TNFRSF1A: variants seen among roughly 807,000 people sequenced by gnomAD.
The protein encoded by TNFRSF1A is tumor necrosis factor receptor superfamily member 1A.
Under a neutral mutation model 41.6 loss-of-function variants are expected in TNFRSF1A, and 9 were observed. The ratio of observed to expected loss-of-function variants is 0.22; its 90% CI spans 0.13 to 0.38. TNFRSF1A has a LOEUF of 0.38. Ranked by LOEUF, TNFRSF1A falls within the 10% of genes least tolerant of loss-of-function variation. The pLI is 1.00. For synonymous variants in TNFRSF1A, 254 were observed against 248.6 expected, an observed-to-expected ratio of 1.02 and a Z score of -0.21; for missense variants, 463 against 591.5, an observed-to-expected ratio of 0.78 and a Z score of 2.25.
At position 6,334,347 on chromosome 12, in the gene TNFRSF1A, G is replaced by A; in HGVS notation, c.40-103C>T. On this transcript the variant is annotated intron_variant, in intron 1 of 9. Coordinates refer to ENST00000162749, the MANE Select transcript of TNFRSF1A (RefSeq NM_001065.4). This position sits in a 1 kb window ranked among gnomAD's most constrained non-coding sequence, Gnocchi z 5.1. ...TCCCTGGCTCAAGTCCTTCCTCAGT[G>A]AAACATTCCGCCCAGGCCACGCCAC... 1 of 1,044,402 alleles carries A rather than the reference G, an allele frequency of 9.6e-7. No homozygotes were observed. The highest frequency in any genetic ancestry group is 1.4e-6 in the Non-Finnish European group (1 of 704,932). 64.7% of individuals were successfully genotyped at this position (1,044,402 alleles called of 1,614,324 possible). A position where few individuals can be genotyped will look rare whatever the true frequency, so the allele number is the denominator to read the frequency against.
rs1038838056 is a variant in TNFRSF1A at position 6,341,059 on chromosome 12, A to C, written c.39+717T>G. 1.3e-5 allele frequency among the ~76,000 whole-genome samples: 2 copies of C among 152,188 alleles called. No individual in the cohort carries two copies. The highest frequency in any genetic ancestry group is 3.2e-3 in the Middle Eastern group (1 of 316). ...TAGGACTAGCTCCCTGGGAAGGCTC[A>C]GTCCCACAGCGGCTACCTGCCTAGC... On this transcript the variant is annotated intron_variant, in intron 1 of 9. Coordinates refer to ENST00000162749, the MANE Select transcript of TNFRSF1A (RefSeq NM_001065.4). The surrounding 1 kb of genome is among the most constrained non-coding windows in gnomAD (Gnocchi z 4.6).
intron 7 of TNFRSF1A, 89 bp downstream of exon 7, chr12:6,330,509 C>T: frequency 9.0e-7 from 1 of 1,106,312 alleles, no homozygotes; most frequent in Non-Finnish European, 1.4e-6. Context: ...GGGGACACTC[C>T]TCACCTCCCT....
Position 6,342,012 on chromosome 12 carries a change from C to T in TNFRSF1A, c.-198G>A. The stretch of plus-strand genomic sequence containing the variant: ...ACCCCAAAGGCCAGAACTGGAGCCT[C>T]AGTCCAGAGAATTCTGAGAAAATTA... On this transcript the variant is annotated 5_prime_UTR_variant, in exon 1 of 10. Transcript: ENST00000162749. 1 of 654,494 alleles carries T rather than the reference C, an allele frequency of 1.5e-6. No homozygotes were observed. Among genetic ancestry groups the T allele is most frequent in the East Asian group, 2.7e-5 (1 of 36,490 alleles). 40.5% of individuals were successfully genotyped at this position (654,494 alleles called of 1,614,324 possible). A position where few individuals can be genotyped will look rare whatever the true frequency, so the allele number is the denominator to read the frequency against.
At position 6,337,051 on chromosome 12, in the gene TNFRSF1A, A is replaced by G. The variant is rs982578934; in HGVS notation, c.40-2807T>C. On this transcript the variant is annotated intron_variant, in intron 1 of 9. Transcript: ENST00000162749. The surrounding 1 kb of genome is among the most constrained non-coding windows in gnomAD (Gnocchi z 4.6). ...ACTTCCAGGAACGAGGGAGCAGGCA[A>G]GAAGGGATGCCGGATGGAAGAACCA... Among the ~76,000 whole-genome samples the G allele has an allele frequency of 2.1e-4, 32 of 152,200 alleles. No homozygotes were observed. Among genetic ancestry groups the G allele is most frequent in the African/African-American group, 7.2e-4 (30 of 41,448 alleles).
rs369273283 is a variant in TNFRSF1A at position 6,333,247 on chromosome 12, G to C, written c.473-100C>G. ...GGGACAGGGTGGGGGCGGCCAGAGA[G>C]GAGTTGGTTGTCAGACCCACAGAAT... is the stretch of plus-strand genomic sequence containing the variant. On this transcript the variant is annotated intron_variant, in intron 4 of 9. Coordinates refer to ENST00000162749, the MANE Select transcript of TNFRSF1A (RefSeq NM_001065.4). This position sits in a 1 kb window ranked among gnomAD's most constrained non-coding sequence, Gnocchi z 6.3. 14 of 1,548,658 alleles carry C rather than the reference G, an allele frequency of 9.0e-6. No individual in the cohort carries two copies. In the East Asian group the frequency reaches 3.0e-4, roughly 33 times the overall value.
chr12:6,332,212 G>A (rs990833406), intron 5 of TNFRSF1A, among the ~76,000 whole-genome samples: 5 of 151,686 alleles, frequency 3.3e-5, no homozygotes, highest in Admixed American at 6.6e-5. Flanking sequence ...AGGCTGAGGC[G>A]GAAGATCGCT....
At position 6,341,048 on chromosome 12, in the gene TNFRSF1A, T is replaced by C. The variant is rs1241531493; in HGVS notation, c.39+728A>G. 3.3e-5 allele frequency among the ~76,000 whole-genome samples: 5 copies of C among 152,116 alleles called. No individual in the cohort carries two copies. The highest frequency in any genetic ancestry group is 1.2e-4 in the African/African-American group (5 of 41,410). ...CCAGGTGGGGGTAGGACTAGCTCCCTGGGAAGGCTCAGTCCCACAGCGGCT... is the reference window on the plus strand; with the variant it reads ...CCAGGTGGGGGTAGGACTAGCTCCCCGGGAAGGCTCAGTCCCACAGCGGCT... On this transcript the variant is annotated intron_variant, in intron 1 of 9. Coordinates refer to ENST00000162749, the MANE Select transcript of TNFRSF1A (RefSeq NM_001065.4). This position sits in a 1 kb window ranked among gnomAD's most constrained non-coding sequence, Gnocchi z 4.6.
At position 6,333,250 on chromosome 12, in the gene TNFRSF1A, G is replaced by A; in HGVS notation, c.473-103C>T. Reference sequence around the variant, plus strand: ...ACAGGGTGGGGGCGGCCAGAGAGGAGTTGGTTGTCAGACCCACAGAATACA... The same window carrying A: ...ACAGGGTGGGGGCGGCCAGAGAGGAATTGGTTGTCAGACCCACAGAATACA... On this transcript the variant is annotated intron_variant, in intron 4 of 9. Transcript: ENST00000162749. The surrounding 1 kb of genome is among the most constrained non-coding windows in gnomAD (Gnocchi z 6.3). The A allele has an allele frequency of 1.9e-6, 3 of 1,551,206 alleles. No individual in the cohort carries two copies. Among genetic ancestry groups the A allele is most frequent in the Non-Finnish European group, 2.6e-6 (3 of 1,133,380 alleles).
chr12:6,338,706 A>G (rs1229423676), intron 1 of TNFRSF1A, among the ~76,000 whole-genome samples: 1 of 151,780 alleles, frequency 6.6e-6, no homozygotes, highest in African/African-American at 2.4e-5. Flanking sequence ...AGGGCTCACT[A>G]CAACCTCCAC....
At chr12:6,332,250 G>A (rs1228861098) in intron 5 of TNFRSF1A, among the ~76,000 whole-genome samples, 2 of 151,814 alleles carry the variant, frequency 1.3e-5, no homozygotes, top group Non-Finnish European at 2.9e-5. Context: ...GGCCAGCCTG[G>A]GCAATATAGT....
chr12:6,334,338 T>C lies in TNFRSF1A; in HGVS notation c.40-94A>G. 1 of 1,161,072 alleles carries C rather than the reference T, an allele frequency of 8.6e-7. No individual in the cohort carries two copies. Among genetic ancestry groups the C allele is most frequent in the Non-Finnish European group, 1.2e-6 (1 of 804,184 alleles). The allele number at this position is 1,161,072 out of a possible 1,614,324, so 71.9% of individuals were successfully genotyped here. ...TCTAAAACTTCCCTGGCTCAAGTCC[T>C]TCCTCAGTGAAACATTCCGCCCAGG... On this transcript the variant is annotated intron_variant, in intron 1 of 9. Transcript: ENST00000162749. The surrounding 1 kb of genome is among the most constrained non-coding windows in gnomAD (Gnocchi z 5.1).
At position 6,333,623 on chromosome 12, in the gene TNFRSF1A, T is replaced by A. The variant is rs1948081103; in HGVS notation, c.323-107A>T. The A allele has an allele frequency of 6.3e-7, 1 of 1,580,830 alleles. No homozygotes were observed. Among genetic ancestry groups the A allele is most frequent in the Non-Finnish European group, 8.6e-7 (1 of 1,160,918 alleles). On this transcript the variant is annotated intron_variant, in intron 3 of 9. Coordinates refer to ENST00000162749, the MANE Select transcript of TNFRSF1A (RefSeq NM_001065.4). The surrounding 1 kb of genome is among the most constrained non-coding windows in gnomAD (Gnocchi z 6.3). ...TCTCTGTAATACACACTCACATCCA[T>A]GCAGTGTCCCACCAAAACACACACC...
At position 6,341,355 on chromosome 12, in the gene TNFRSF1A, C is replaced by G; in HGVS notation, c.39+421G>C. On this transcript the variant is annotated intron_variant, in intron 1 of 9. Transcript: ENST00000162749. The surrounding 1 kb of genome is among the most constrained non-coding windows in gnomAD (Gnocchi z 4.6). ...TCGCCTCCCCACGGCCCAACACCCT[C>G]CAGGCCAGCCAGCTGACCGGAGGGA... Among the ~76,000 whole-genome samples, 1 of 152,224 alleles carries G rather than the reference C, an allele frequency of 6.6e-6. No homozygotes were observed. Among genetic ancestry groups the G allele is most frequent in the East Asian group, 1.9e-4 (1 of 5,196 alleles).
In TNFRSF1A at chr12:6,333,410, G is replaced by A; in HGVS notation, c.429C>T (p.Cys143=). 1 of 1,614,044 alleles carries A rather than the reference G, an allele frequency of 6.2e-7. No individual in the cohort carries two copies. The highest frequency in any genetic ancestry group is 8.5e-7 in the Non-Finnish European group (1 of 1,179,988). The change falls in exon 4 of 10, where the codon TGC becomes TGT. Residue 143 remains cysteine (C), a synonymous_variant. Coordinates refer to ENST00000162749, the MANE Select transcript of TNFRSF1A (RefSeq NM_001065.4). The surrounding 1 kb of genome is among the most constrained non-coding windows in gnomAD (Gnocchi z 6.3). ...CATTGAGGCAGAGGCTGCAATTGAA[G>A]CACTGGAAAAGGTTTTCACTCCAAT... The part of the protein sequence containing the change: ...RHYWSENLFQ[C]FNCSLCLNGT...
In TNFRSF1A at chr12:6,341,055, G is replaced by T. The variant is rs965357154; in HGVS notation, c.39+721C>A. 6.6e-6 allele frequency among the ~76,000 whole-genome samples: 1 copy of T among 152,146 alleles called. No homozygotes were observed. Among genetic ancestry groups the T allele is most frequent in the Non-Finnish European group, 1.5e-5 (1 of 68,020 alleles). On this transcript the variant is annotated intron_variant, in intron 1 of 9. Coordinates refer to ENST00000162749, the MANE Select transcript of TNFRSF1A (RefSeq NM_001065.4). The surrounding 1 kb of genome is among the most constrained non-coding windows in gnomAD (Gnocchi z 4.6). ...GGGGTAGGACTAGCTCCCTGGGAAG[G>T]CTCAGTCCCACAGCGGCTACCTGCC...
Position 6,330,178 on chromosome 12 carries a change from G to A in TNFRSF1A, c.768+89C>T. 3.1e-6 allele frequency: 5 copies of A among 1,611,468 alleles called. No homozygotes were observed. The South Asian group carries it at 5.5e-5, about 18-fold the overall frequency. On this transcript the variant is annotated intron_variant, in intron 8 of 9. Coordinates refer to ENST00000162749, the MANE Select transcript of TNFRSF1A (RefSeq NM_001065.4). ...AGGGAATGAGGCGAGCCCCCGGAAA[G>A]TGAAGGATGATTCCAGGGGATCTGA...
At position 6,329,374 on chromosome 12, in the gene TNFRSF1A, C is replaced by G; in HGVS notation, c.1306G>C (p.Asp436His). 2 of 1,531,516 alleles carry G rather than the reference C, an allele frequency of 1.3e-6. No individual in the cohort carries two copies. The highest frequency in any genetic ancestry group is 1.7e-6 in the Non-Finnish European group (2 of 1,146,688). 94.9% of individuals were successfully genotyped at this position (1,531,516 alleles called of 1,614,324 possible). The change falls in exon 10 of 10, where the codon GAC becomes CAC. Residue 436 changes from aspartate (D) to histidine (H), a missense_variant. Transcript: ENST00000162749. ...GGGCCGCAAAGCGCCTCCTCGATGT[C>G]CTCCAGGCAGCCCAGCAGGTCCATG... ...RDMDLLGCLE[D>H]IEEALCGPAA...
In TNFRSF1A at chr12:6,334,221, T is replaced by G; in HGVS notation, c.63A>C (p.Gly21=). The G allele has an allele frequency of 6.2e-7, 1 of 1,613,684 alleles. No homozygotes were observed. The highest frequency in any genetic ancestry group is 1.1e-5 in the South Asian group (1 of 91,062). ...GTCCAATAACCCCTGAGGGGTATAT[T>G]CCCACCAACAGCTCCAGGAGCACCT... ...LPLVLLELLV[G]IYPSGVIGLV... Residue 21 remains glycine, a synonymous_variant, in exon 2 of 10, where the codon GGA becomes GGC. Transcript: ENST00000162749. This position sits in a 1 kb window ranked among gnomAD's most constrained non-coding sequence, Gnocchi z 5.1.
intron 1 of TNFRSF1A, among the ~76,000 whole-genome samples, chr12:6,336,295 GT>G (rs952194359): frequency 2.0e-5 from 3 of 152,184 alleles, no homozygotes; most frequent in Non-Finnish European, 2.9e-5. Context: ...CACTCTGGGG[GT>G]TAAGTCAGAT....
Sources: allele counts gnomAD v4.1 joint callset (sites outside exome capture counted in the v4.1 genomes callset), GRCh38; gene constraint gnomAD v4.1.1; non-coding constraint Gnocchi (gnomAD v3.1); transcripts MANE v1.5; gene names NCBI Gene and HGNC (gene_info 2026-07-23, HGNC 2026-07-21).